CRYL1: variants seen among roughly 807,000 people sequenced by gnomAD.
CRYL1 encodes lambda-crystallin homolog.
In CRYL1, 29 loss-of-function variants were observed where a neutral mutation model predicts 36.6. The observed-to-expected ratio is 0.79, with a 90% CI of 0.59 to 1.08. The LOEUF (loss-of-function observed/expected upper bound fraction) is 1.08, where lower values mean the gene tolerates loss of function less well. Ranked by LOEUF, CRYL1 falls within the 50% of genes least tolerant of loss-of-function variation. The pLI, the probability that CRYL1 is intolerant of heterozygous loss-of-function variation, is 0.00. For missense variants in CRYL1, 411 were observed against 407.9 expected (o/e 1.01, Z -0.06); for synonymous variants, 152 against 151.5 (o/e 1.00, Z -0.02).
Position 20,430,513 on chromosome 13 carries a change from G to A in CRYL1, c.633+1589C>T, listed in dbSNP as rs556610238. The A allele has an allele frequency of 3.2e-5, 32 of 985,352 alleles. No homozygotes were observed. The South Asian group carries it at 1.1e-3, about 33-fold the overall frequency. The allele number at this position is 985,352 out of a possible 1,614,324, so 61.0% of individuals were successfully genotyped here. A position where few individuals can be genotyped will look rare whatever the true frequency, so the allele number is the denominator to read the frequency against. ...GACAACCAAAAGCAGGGTGGACATC[G>A]TGAGTCAGCAGAACTACCAGAGCAG... is the stretch of plus-strand genomic sequence containing the variant. On this transcript the variant is annotated intron_variant, in intron 5 of 7. Transcript: ENST00000298248.
rs575948913 is a variant in CRYL1 at position 20,458,319 on chromosome 13, C to G, written c.277-18565G>C. On this transcript the variant is annotated intron_variant, in intron 3 of 7. Transcript: ENST00000298248. The stretch of plus-strand genomic sequence containing the variant: ...TGATCAAAGGTACAAACCTAAGTAA[C>G]AGGAGTGGTTATTTCCCTTTAAGCA... Among the ~76,000 whole-genome samples, 27 of 152,230 alleles carry G rather than the reference C, an allele frequency of 1.8e-4. No homozygotes were observed. In the South Asian group the frequency reaches 2.3e-3, roughly 13 times the overall value.
At chr13:20,404,310 CTCT>C in intron 7 of CRYL1, 68 bp from the exon 8 acceptor site, 1 of 1,094,654 alleles carries the variant, frequency 9.1e-7, no homozygotes, top group Non-Finnish European at 1.4e-6. Context: ...GTAATTATTG[CTCT>C]TGTTTATGCA....
At chr13:20,489,798 AC>A (rs1439976698) in intron 2 of CRYL1, among the ~76,000 whole-genome samples, 2 of 152,190 alleles carry the variant, frequency 1.3e-5, no homozygotes, top group African/African-American at 4.8e-5. Context: ...CTGGGTATAA[AC>A]CCAAAATAAT....
intron 3 of CRYL1, among the ~76,000 whole-genome samples, chr13:20,448,706 C>G (rs1044965517): frequency 6.6e-6 from 1 of 151,994 alleles, no homozygotes; most frequent in Non-Finnish European, 1.5e-5. Context: ...AATTCTATAC[C>G]CAGCAAAAAT....
rs1203224343 is a variant in CRYL1, at chr13:20,435,103, T to C, written c.439-2807A>G. On this transcript the variant is annotated intron_variant, in intron 4 of 7. Coordinates refer to ENST00000298248, the MANE Select transcript of CRYL1 (RefSeq NM_015974.3). This position sits in a 1 kb window ranked among gnomAD's most constrained non-coding sequence, Gnocchi z 4.0. ...AGTGTTTCATGGGTAGGAGGTTCAG[T>C]CTTATAAGAGGAGAAAGTTCCATGG... is the stretch of plus-strand genomic sequence containing the variant. 6.6e-6 allele frequency among the ~76,000 whole-genome samples: 1 copy of C among 152,078 alleles called. No homozygotes were observed. Among genetic ancestry groups the C allele is most frequent in the Admixed American group, 6.5e-5 (1 of 15,280 alleles).
In CRYL1 at chr13:20,453,380, A is replaced by AGAATATTTT. The variant is rs1565969032; in HGVS notation, c.277-13635_277-13627dup. Among the ~76,000 whole-genome samples, 25 of 83,944 alleles carry AGAATATTTT rather than the reference A, an allele frequency of 3.0e-4. 1 individual carries two copies. The highest frequency in any genetic ancestry group is 6.0e-3 in the Middle Eastern group (1 of 168). The allele number at this position is 83,944 out of a possible 152,430, so 55.1% of individuals were successfully genotyped here. On this transcript the variant is annotated intron_variant, in intron 3 of 7. Coordinates refer to ENST00000298248, the MANE Select transcript of CRYL1 (RefSeq NM_015974.3). The stretch of plus-strand genomic sequence containing the variant: ...CAAGGTGAAATTCTCATGGGAAATT[A>AGAATATTTT]GAATATTTTGAAATATTTTGAATAT...
chr13:20,409,871 A>T (rs2031474628), intron 6 of CRYL1, among the ~76,000 whole-genome samples: 1 of 152,246 alleles, frequency 6.6e-6, no homozygotes, highest in Admixed American at 6.5e-5. Flanking sequence ...ATCATTAAAA[A>T]GTCAAGAAAC....
intron 6 of CRYL1, among the ~76,000 whole-genome samples, chr13:20,410,567 C>T (rs2031493176): frequency 6.6e-6 from 1 of 152,120 alleles, no homozygotes; most frequent in Non-Finnish European, 1.5e-5. Flanking sequence ...AAATCCTAAT[C>T]TGTATTTATT....
intron 3 of CRYL1, among the ~76,000 whole-genome samples, chr13:20,458,983 C>T (rs903431314): frequency 6.6e-6 from 1 of 152,206 alleles, no homozygotes; most frequent in African/African-American, 2.4e-5. Context: ...CGCCTGTAAT[C>T]CCAGCACTTT....
At chr13:20,520,888 G>A (rs1354813807) in intron 1 of CRYL1, among the ~76,000 whole-genome samples, 2 of 152,036 alleles carry the variant, frequency 1.3e-5, no homozygotes, top group Non-Finnish European at 2.9e-5. Flanking sequence ...GGTGGATAAC[G>A]AGGTCAGGAG....
At chr13:20,458,305 A>G (rs557583282) in intron 3 of CRYL1, among the ~76,000 whole-genome samples, 1 of 152,346 alleles carries the variant, frequency 6.6e-6, no homozygotes, top group African/African-American at 2.4e-5. Context: ...GATCAAAGGT[A>G]CAAACCTAAG....
At chr13:20,416,155 A>G (rs953253470) in intron 5 of CRYL1, among the ~76,000 whole-genome samples, 2 of 152,218 alleles carry the variant, frequency 1.3e-5, no homozygotes, top group Non-Finnish European at 2.9e-5. Context: ...AAGTTTCGCT[A>G]ATCTGGTAGG....
At position 20,413,378 on chromosome 13, in the gene CRYL1, C is replaced by T. The variant is rs752790617; in HGVS notation, c.643G>A (p.Val215Met). 5.0e-6 allele frequency: 8 copies of T among 1,609,252 alleles called. No homozygotes were observed. The highest frequency in any genetic ancestry group is 1.7e-5 in the Admixed American group (1 of 59,424). ...ACAAGGTCCAGGTCACTAGGAGACA[C>T]GATTCCTTCCTACGTGGAGAAATTG... ...EAWRLVEEGI[V>M]SPSDLDLVMS... The change falls in exon 6 of 8, where the codon GTG becomes ATG. Residue 215 changes from valine to methionine, a missense_variant. By Grantham distance (21) the Val-to-Met change is conservative. Coordinates refer to ENST00000298248, the MANE Select transcript of CRYL1 (RefSeq NM_015974.3).
intron 4 of CRYL1, 49 bp downstream of exon 4, chr13:20,439,544 C>CA: frequency 8.9e-6 from 5 of 561,758 alleles, no homozygotes; most frequent in South Asian, 3.7e-5. Context: ...AAAAAAAAAA[C>CA]ACAGAATGAG....
intron 2 of CRYL1, among the ~76,000 whole-genome samples, chr13:20,501,838 C>T (rs921255260): frequency 1.3e-5 from 2 of 152,168 alleles, no homozygotes; most frequent in Admixed American, 1.3e-4. Context: ...AGACTCCACC[C>T]GACTCCAGCC....
At chr13:20,464,820 T>C (rs2032900256) in intron 3 of CRYL1, among the ~76,000 whole-genome samples, 1 of 152,248 alleles carries the variant, frequency 6.6e-6, no homozygotes, top group Non-Finnish European at 1.5e-5. Flanking sequence ...TTGCTTTAGA[T>C]TCCATTTGGT....
At chr13:20,474,171 C>T (rs1330343966) in intron 3 of CRYL1, among the ~76,000 whole-genome samples, 1 of 152,160 alleles carries the variant, frequency 6.6e-6, no homozygotes, top group African/African-American at 2.4e-5. Context: ...CACTTAAAAG[C>T]ATACAAGAGT....
intron 3 of CRYL1, among the ~76,000 whole-genome samples, chr13:20,452,147 A>T (rs1443370087): frequency 6.6e-6 from 1 of 151,502 alleles, no homozygotes; most frequent in African/African-American, 2.4e-5. Context: ...AGGAAGGGAG[A>T]GGGAGAGAGT....
intron 3 of CRYL1, 23 bp from the exon 4 acceptor site, chr13:20,439,777 A>G (rs1469154385): frequency 6.2e-7 from 1 of 1,609,018 alleles, no homozygotes; most frequent in African/African-American, 1.3e-5. Context: ...CGTTTAAATG[A>G]CTATTCATGA....
Sources: allele counts gnomAD v4.1 joint callset (sites outside exome capture counted in the v4.1 genomes callset), GRCh38; gene constraint gnomAD v4.1.1; non-coding constraint Gnocchi (gnomAD v3.1); transcripts MANE v1.5; gene names NCBI Gene and HGNC (gene_info 2026-07-23, HGNC 2026-07-21).